CHST9: variants seen among roughly 807,000 people sequenced by gnomAD.
CHST9 encodes the protein carbohydrate sulfotransferase 9, also known as GalNAc-4-sulfotransferase 2.
Under a neutral mutation model 44.4 loss-of-function variants are expected in CHST9, and 41 were observed. The ratio of observed to expected loss-of-function variants is 0.92; its 90% CI spans 0.72 to 1.20. The LOEUF is 1.20. Among genes scored for constraint, CHST9 ranks in the 50% most tolerant of loss-of-function variants. The pLI is 0.00. For missense variants in CHST9, 504 were observed against 516.5 expected, an observed-to-expected ratio of 0.98 and a Z score of 0.23; for synonymous variants, 171 against 178.4, an observed-to-expected ratio of 0.96 and a Z score of 0.33.
intron 4 of CHST9, among the ~76,000 whole-genome samples, chr18:27,008,769 A>G (rs547616730): frequency 2.7e-4 from 41 of 152,258 alleles, no homozygotes; most frequent in East Asian, 2.5e-3. Context: ...AGCACCTGCC[A>G]CAGTGCTGGG....
At chr18:27,002,492 G>A (rs1392331464) in intron 4 of CHST9, among the ~76,000 whole-genome samples, 3 of 152,076 alleles carry the variant, frequency 2.0e-5, no homozygotes, top group Non-Finnish European at 2.9e-5. Context: ...GTACTTTTGA[G>A]TACTCATGTA....
chr18:27,147,710 C>G (rs985557421), intron 1 of CHST9: 7 of 152,344 alleles, frequency 4.6e-5, no homozygotes, highest in Non-Finnish European at 7.3e-5. Context: ...TCTGGTGAAA[C>G]GCAACTCCAT....
chr18:27,036,532 T>A (rs1288372294), intron 3 of CHST9, among the ~76,000 whole-genome samples: 1 of 152,170 alleles, frequency 6.6e-6, no homozygotes, highest in African/African-American at 2.4e-5. Context: ...TTAAGATAAT[T>A]TTCAAACATG....
At chr18:27,140,781 T>C (rs1024653140) in intron 2 of CHST9, among the ~76,000 whole-genome samples, 1 of 152,236 alleles carries the variant, frequency 6.6e-6, no homozygotes, top group Admixed American at 6.5e-5. Flanking sequence ...TATATTTTAC[T>C]ACAGGTGGTT....
intron 1 of CHST9, among the ~76,000 whole-genome samples, chr18:27,158,492 T>C (rs919222947): frequency 6.6e-6 from 1 of 150,600 alleles, no homozygotes; most frequent in Admixed American, 6.7e-5. Flanking sequence ...AATTTCTTAA[T>C]CCAGTCTATC....
chr18:26,948,794 A>T (rs1173733771), intron 4 of CHST9, among the ~76,000 whole-genome samples: 1 of 152,200 alleles, frequency 6.6e-6, no homozygotes, highest in Non-Finnish European at 1.5e-5. Context: ...CGAATTTTGC[A>T]GGTAAAGGAT....
intron 2 of CHST9, among the ~76,000 whole-genome samples, chr18:27,113,033 C>CA (rs1040115513): frequency 6.6e-6 from 1 of 151,870 alleles, no homozygotes; most frequent in African/African-American, 2.4e-5. Context: ...ACTAAAAATA[C>CA]AAAAAATTAG....
chr18:27,006,071 T>C (rs903922550), intron 4 of CHST9, among the ~76,000 whole-genome samples: 2 of 152,198 alleles, frequency 1.3e-5, no homozygotes, highest in Admixed American at 6.5e-5. Context: ...TGTACCACCA[T>C]AGTCTTACTT....
At chr18:27,056,888 C>T (rs1356830814) in intron 2 of CHST9, among the ~76,000 whole-genome samples, 1 of 152,226 alleles carries the variant, frequency 6.6e-6, no homozygotes, top group African/African-American at 2.4e-5. Context: ...TTCCCTTTCT[C>T]TCATCCTCAT....
intron 2 of CHST9, among the ~76,000 whole-genome samples, chr18:27,067,538 G>A (rs973200320): frequency 2.6e-5 from 4 of 152,154 alleles, no homozygotes; most frequent in African/African-American, 9.7e-5. Context: ...AATTTTAATG[G>A]TGGGATAGTA....
At chr18:27,093,907 A>G (rs1364360677) in intron 2 of CHST9, among the ~76,000 whole-genome samples, 1 of 151,968 alleles carries the variant, frequency 6.6e-6, no homozygotes, top group Non-Finnish European at 1.5e-5. Flanking sequence ...TTTTTAAACA[A>G]AGAGGCTGAG....
At chr18:27,043,319 T>A (rs2057465720) in intron 3 of CHST9, among the ~76,000 whole-genome samples, 1 of 152,078 alleles carries the variant, frequency 6.6e-6, no homozygotes, top group African/African-American at 2.4e-5. Context: ...AGTTCTAGGC[T>A]CTATTGCCCA....
At chr18:27,136,581 GAAAAATGGGAATACT>G (rs2058514809) in intron 2 of CHST9, among the ~76,000 whole-genome samples, 1 of 152,158 alleles carries the variant, frequency 6.6e-6, no homozygotes, top group Non-Finnish European at 1.5e-5. Flanking sequence ...TTCTTGTCTT[GAAAAATGGGAATACT>G]AATGGTACCT....
intron 4 of CHST9, among the ~76,000 whole-genome samples, chr18:26,994,181 A>G (rs1273570352): frequency 1.3e-5 from 2 of 152,242 alleles, no homozygotes; most frequent in African/African-American, 4.8e-5. Flanking sequence ...TAGGAATTCA[A>G]CATATACATT....
At chr18:26,969,378 G>A (rs562870363) in intron 4 of CHST9, among the ~76,000 whole-genome samples, 1 of 64,410 alleles carries the variant, frequency 1.6e-5, no homozygotes, top group Non-Finnish European at 4.0e-5. Flanking sequence ...CTCTCTCTCT[G>A]TGTGTGTGTG....
intron 2 of CHST9, among the ~76,000 whole-genome samples, chr18:27,083,695 T>C (rs2057981870): frequency 6.6e-6 from 1 of 152,150 alleles, no homozygotes; most frequent in Non-Finnish European, 1.5e-5. Flanking sequence ...ATTTGGCATG[T>C]TTCAAAATGC....
rs2055470133 is a variant in CHST9 at position 26,913,504 on chromosome 18, T to C, written c.*2755A>G. The C allele has an allele frequency of 6.6e-6, 1 of 152,242 alleles. No individual in the cohort carries two copies. The highest frequency in any genetic ancestry group is 1.5e-5 in the Non-Finnish European group (1 of 68,044). The allele number at this position is 152,242 out of a possible 1,614,324, so 9.4% of individuals were successfully genotyped here. Reference sequence around the variant, plus strand: ...TACATAACTGTGGTTTTGGATTTAATTGCCAACTTGTTACCCTGATAGTAA... The same window carrying C: ...TACATAACTGTGGTTTTGGATTTAACTGCCAACTTGTTACCCTGATAGTAA... On this transcript the variant is annotated 3_prime_UTR_variant, in exon 6 of 6. Transcript: ENST00000618847.
At chr18:26,994,168 G>A (rs1055093203) in intron 4 of CHST9, among the ~76,000 whole-genome samples, 1 of 152,120 alleles carries the variant, frequency 6.6e-6, no homozygotes, top group African/African-American at 2.4e-5. Flanking sequence ...AGGTACAAGG[G>A]GTTAGGAATT....
At chr18:27,049,425 A>T (rs2057540481) in intron 2 of CHST9, among the ~76,000 whole-genome samples, 1 of 152,146 alleles carries the variant, frequency 6.6e-6, no homozygotes, top group South Asian at 2.1e-4. Flanking sequence ...TACTATGGGG[A>T]CAAGGAGCTT....
Sources: gnomAD v4.1 joint callset for allele counts (sites outside exome capture counted in the v4.1 genomes callset) on GRCh38, gnomAD v4.1.1 for gene constraint, MANE v1.5 for transcripts, NCBI Gene and HGNC (gene_info 2026-07-23, HGNC 2026-07-21) for gene names.